HS3ST5: variants seen among roughly 807,000 people sequenced by gnomAD.
HS3ST5 encodes heparan sulfate glucosamine 3-O-sulfotransferase 5.
Under a neutral mutation model 25.4 loss-of-function variants are expected in HS3ST5, and 10 were observed. The ratio of observed to expected loss-of-function variants is 0.39; its 90% CI spans 0.24 to 0.67. The LOEUF is 0.67. Ranked by LOEUF, HS3ST5 falls within the 30% of genes least tolerant of loss-of-function variation. The pLI is 0.44. For missense variants in HS3ST5, 324 were observed against 420.7 expected (o/e 0.77, Z 2.01); for synonymous variants, 170 against 162.4 (o/e 1.05, Z -0.36).
chr6:114,082,834 C>G (rs572698738), intron 3 of HS3ST5, among the ~76,000 whole-genome samples: 1 of 152,290 alleles, frequency 6.6e-6, no homozygotes, highest in South Asian at 2.1e-4. Flanking sequence ...TTACTCACCC[C>G]GTCATTCTCT....
At chr6:114,272,698 C>A (rs1447423092) in intron 1 of HS3ST5, among the ~76,000 whole-genome samples, 3 of 152,096 alleles carry the variant, frequency 2.0e-5, no homozygotes, top group Non-Finnish European at 4.4e-5. Context: ...CCCTGGGATT[C>A]CTCTACAAAT....
chr6:114,219,280 G>A (rs1028910718), intron 2 of HS3ST5, among the ~76,000 whole-genome samples: 1 of 152,168 alleles, frequency 6.6e-6, no homozygotes, highest in Non-Finnish European at 1.5e-5. Flanking sequence ...AGGTAGGTTC[G>A]ATTTTACTCA....
chr6:114,133,931 A>G (rs1484916867), intron 3 of HS3ST5, among the ~76,000 whole-genome samples: 4 of 152,204 alleles, frequency 2.6e-5, no homozygotes, highest in African/African-American at 9.6e-5. Flanking sequence ...AGGGAGCAAG[A>G]CTGGGATGTG....
chr6:114,245,730 T>C (rs1772347059), intron 1 of HS3ST5, among the ~76,000 whole-genome samples: 1 of 152,116 alleles, frequency 6.6e-6, no homozygotes, highest in African/African-American at 2.4e-5. Flanking sequence ...AGGCAAAATA[T>C]CAAGCAAACC....
chr6:114,103,889 G>T (rs1336949256), intron 3 of HS3ST5, among the ~76,000 whole-genome samples: 1 of 91,840 alleles, frequency 1.1e-5, no homozygotes, highest in Non-Finnish European at 2.3e-5. Flanking sequence ...TTTTAGTAGA[G>T]ACAGGGTTTC....
At chr6:114,192,874 T>C (rs1008204939) in intron 2 of HS3ST5, among the ~76,000 whole-genome samples, 3 of 152,212 alleles carry the variant, frequency 2.0e-5, no homozygotes. Flanking sequence ...TACGAGCTTC[T>C]ATGCAACAGA....
chr6:114,151,638 C>A (rs921539549), intron 3 of HS3ST5, among the ~76,000 whole-genome samples: 17 of 152,176 alleles, frequency 1.1e-4, no homozygotes, highest in Non-Finnish European at 1.8e-4. Flanking sequence ...CCAGTGCAAC[C>A]TCTCTCTGGA....
At chr6:114,099,459 G>A (rs1417626648) in intron 3 of HS3ST5, among the ~76,000 whole-genome samples, 1 of 152,054 alleles carries the variant, frequency 6.6e-6, no homozygotes, top group Non-Finnish European at 1.5e-5. Context: ...TCAGATCATT[G>A]TTTTTCCTTT....
At position 114,062,735 on chromosome 6, in the gene HS3ST5, C is replaced by A; in HGVS notation, c.107+4G>T. On this transcript the variant is annotated splice_donor_region_variant and intron_variant, in intron 4 of 4. Coordinates refer to ENST00000312719, the MANE Select transcript of HS3ST5 (RefSeq NM_153612.4). The stretch of plus-strand genomic sequence containing the variant: ...GGGTATAAGCATGTGTTTTAAGCAC[C>A]CACCTATCCAAGCTCCCAACTCTGG... 6.2e-7 allele frequency: 1 copy of A among 1,601,496 alleles called. No homozygotes were observed. The highest frequency in any genetic ancestry group is 8.6e-7 in the Non-Finnish European group (1 of 1,168,612).
chr6:114,073,110 G>T (rs1773920061), intron 3 of HS3ST5, among the ~76,000 whole-genome samples: 3 of 152,148 alleles, frequency 2.0e-5, no homozygotes, highest in Admixed American at 6.5e-5. Context: ...GCTGAAACTG[G>T]ATCCCTTCCT....
chr6:114,066,421 A>C (rs1055536324), intron 3 of HS3ST5, among the ~76,000 whole-genome samples: 13 of 152,170 alleles, frequency 8.5e-5, no homozygotes, highest in African/African-American at 3.1e-4. Context: ...TTGGGAGTCC[A>C]AGGCAGATGG....
At chr6:114,114,447 A>G (rs752343445) in intron 3 of HS3ST5, among the ~76,000 whole-genome samples, 4 of 152,160 alleles carry the variant, frequency 2.6e-5, no homozygotes, top group Admixed American at 6.6e-5. Flanking sequence ...GAACTTTTCA[A>G]CAGAGTCTTA....
intron 1 of HS3ST5, among the ~76,000 whole-genome samples, chr6:114,314,641 T>C (rs748583889): frequency 3.7e-4 from 57 of 152,240 alleles, no homozygotes; most frequent in Non-Finnish European, 5.7e-4. Flanking sequence ...GCTCTTTTTT[T>C]CCTCTCTGGA....
In HS3ST5 at chr6:114,058,028, G is replaced by C; in HGVS notation, c.270C>G (p.Leu90=). 2 of 1,614,164 alleles carry C rather than the reference G, an allele frequency of 1.2e-6. No individual in the cohort carries two copies. Among genetic ancestry groups the C allele is most frequent in the Non-Finnish European group, 1.7e-6 (2 of 1,180,036 alleles). ...QVRLHDLVQQ[L]PKAIIIGVRK... is the part of the protein sequence containing the mutation. ...TCACCCCAATGATAATGGCCTTGGG[G>C]AGCTGCTGGACCAGGTCATGGAGGC... Residue 90 remains leucine (L), a synonymous_variant, in exon 5 of 5, where the codon CTC becomes CTG. Coordinates refer to ENST00000312719, the MANE Select transcript of HS3ST5 (RefSeq NM_153612.4).
At chr6:114,110,904 A>C (rs73769059) in intron 3 of HS3ST5, among the ~76,000 whole-genome samples, 1,614 of 152,300 alleles carry the variant, frequency 0.011, 39 homozygotes, top group African/African-American at 0.037. Context: ...CATTCTCTTC[A>C]AAAAGCATAG....
At chr6:114,241,132 G>GTTTTTTTTT (rs34220294) in intron 1 of HS3ST5, among the ~76,000 whole-genome samples, 5 of 117,814 alleles carry the variant, frequency 4.2e-5, no homozygotes, top group Non-Finnish European at 7.0e-5. Flanking sequence ...AGAAAAATCA[G>GTTTTTTTTT]TTTTTTTTTT....
intron 1 of HS3ST5, among the ~76,000 whole-genome samples, chr6:114,278,019 C>T (rs1171329768): frequency 6.6e-6 from 1 of 151,876 alleles, no homozygotes; most frequent in Non-Finnish European, 1.5e-5. Flanking sequence ...TGAAGGCCAC[C>T]TGCGATGGGC....
chr6:114,077,277 G>A (rs1582572019), intron 3 of HS3ST5, among the ~76,000 whole-genome samples: 1 of 152,082 alleles, frequency 6.6e-6, no homozygotes, highest in African/African-American at 2.4e-5. Context: ...GATGTCTTAA[G>A]AAAAAATATG....
chr6:114,288,495 C>T (rs1274469527), intron 1 of HS3ST5, among the ~76,000 whole-genome samples: 1 of 152,006 alleles, frequency 6.6e-6, no homozygotes, highest in Non-Finnish European at 1.5e-5. Flanking sequence ...TTTCCTTTTT[C>T]TAATGAAAAA....
Sources: allele counts gnomAD v4.1 joint callset (sites outside exome capture counted in the v4.1 genomes callset), GRCh38; gene constraint gnomAD v4.1.1; transcripts MANE v1.5; gene names NCBI Gene and HGNC (gene_info 2026-07-23, HGNC 2026-07-21).